The following KCNS3 variants were observed in gnomAD, a reference collection of about 807,000 sequenced individuals.
KCNS3 encodes potassium voltage-gated channel modifier subfamily S member 3.
In KCNS3, 13 loss-of-function variants were observed where a neutral mutation model predicts 31.0. The ratio of observed to expected loss-of-function variants is 0.42; its 90% CI spans 0.27 to 0.67. The LOEUF is 0.67. Ranked by LOEUF, KCNS3 falls within the 30% of genes least tolerant of loss-of-function variation. The probability of loss-of-function intolerance (pLI) is 0.25; values close to 1 mark genes in which losing one functional copy is unlikely to be tolerated. For synonymous variants in KCNS3, 238 were observed against 241.5 expected (o/e 0.99, Z 0.13); for missense variants, 545 against 622.4 (o/e 0.88, Z 1.32).
chr2:17,931,174 C>T lies in KCNS3; in HGVS notation c.166C>T (p.Leu56=), dbSNP rs183137090. 3.7e-5 allele frequency: 60 copies of T among 1,614,060 alleles called. No individual in the cohort carries two copies. Among genetic ancestry groups the T allele is most frequent in the Non-Finnish European group, 4.7e-5 (55 of 1,179,982 alleles). Residue 56 remains leucine, a synonymous_variant, in exon 3 of 3, where the codon CTG becomes TTG. Coordinates refer to ENST00000304101, the MANE Select transcript of KCNS3 (RefSeq NM_002252.5). The surrounding 1 kb of genome is among the most constrained non-coding windows in gnomAD (Gnocchi z 5.4). ...CCATTCTGAAGAGGCCATTCTGGAGCTGTGTGATGATTACAGTGTGGCCGA... is the reference window on the plus strand; with the variant it reads ...CCATTCTGAAGAGGCCATTCTGGAGTTGTGTGATGATTACAGTGTGGCCGA... The part of the protein sequence containing the change: ...TCHSEEAILE[L]CDDYSVADKE...
intron 1 of KCNS3, among the ~76,000 whole-genome samples, chr2:17,886,705 CAT>C: frequency 6.6e-6 from 1 of 151,284 alleles, no homozygotes; most frequent in Non-Finnish European, 1.5e-5. Context: ...TCCATCCATC[CAT>C]CCATCCATCC....
intron 2 of KCNS3, among the ~76,000 whole-genome samples, chr2:17,928,429 G>A (rs1262187583): frequency 6.6e-6 from 1 of 152,064 alleles, no homozygotes; most frequent in African/African-American, 2.4e-5. Flanking sequence ...ACCATGCCCA[G>A]CTAATTTTTG....
At chr2:17,898,653 T>G (rs1662088159) in intron 1 of KCNS3, among the ~76,000 whole-genome samples, 1 of 152,180 alleles carries the variant, frequency 6.6e-6, no homozygotes, top group Non-Finnish European at 1.5e-5. Context: ...GTTTAAAGAC[T>G]AATCTCCTAG....
chr2:17,931,209 C>T lies in KCNS3; in HGVS notation c.201C>T (p.Tyr67=). ...CDDYSVADKE[Y]YFDRNPSLFR... is the part of the protein sequence containing the mutation. Reference sequence around the variant, plus strand: ...ATTACAGTGTGGCCGATAAGGAGTACTACTTTGATCGGAATCCCTCCTTGT... The same window carrying T: ...ATTACAGTGTGGCCGATAAGGAGTATTACTTTGATCGGAATCCCTCCTTGT... The change falls in exon 3 of 3, where the codon TAC becomes TAT. Residue 67 remains tyrosine, a synonymous_variant. Transcript: ENST00000304101. The surrounding 1 kb of genome is among the most constrained non-coding windows in gnomAD (Gnocchi z 5.4). The T allele has an allele frequency of 6.2e-7, 1 of 1,614,142 alleles. No homozygotes were observed. Among genetic ancestry groups the T allele is most frequent in the Non-Finnish European group, 8.5e-7 (1 of 1,180,018 alleles).
rs1469573385 is a variant in KCNS3, at chr2:17,932,061, A to G, written c.1053A>G (p.Thr351=). ...ACTCCGTGGAGAAAGATGACCACACATCCAGCCTCACCAGCATCCCCATCT... is the reference window on the plus strand; with the variant it reads ...ACTCCGTGGAGAAAGATGACCACACGTCCAGCCTCACCAGCATCCCCATCT... ...LIYSVEKDDH[T]SSLTSIPICW... Residue 351 remains threonine (T), a synonymous_variant, in exon 3 of 3, where the codon ACA becomes ACG. Coordinates refer to ENST00000304101, the MANE Select transcript of KCNS3 (RefSeq NM_002252.5). 1 of 1,614,066 alleles carries G rather than the reference A, an allele frequency of 6.2e-7. No homozygotes were observed. The highest frequency in any genetic ancestry group is 2.2e-5 in the East Asian group (1 of 44,862).
At chr2:17,930,201 T>C (rs1045398795) in intron 2 of KCNS3, among the ~76,000 whole-genome samples, 1 of 151,764 alleles carries the variant, frequency 6.6e-6, no homozygotes, top group Non-Finnish European at 1.5e-5. Flanking sequence ...GTGGAGCGGG[T>C]TTGTGTCAGG....
chr2:17,889,692 T>C (rs1257188511), intron 1 of KCNS3, among the ~76,000 whole-genome samples: 1 of 152,156 alleles, frequency 6.6e-6, no homozygotes, highest in Non-Finnish European at 1.5e-5. Context: ...GATCATGTGA[T>C]TTTTGTTTTT....
chr2:17,890,880 G>A (rs1458714302), intron 1 of KCNS3, among the ~76,000 whole-genome samples: 1 of 152,116 alleles, frequency 6.6e-6, no homozygotes, highest in Non-Finnish European at 1.5e-5. Context: ...TCCATGCATT[G>A]AATAGAACGT....
Position 17,910,160 on chromosome 2 carries a change from T to C in KCNS3, c.-251-7520T>C, listed in dbSNP as rs186645218. 3.9e-5 allele frequency among the ~76,000 whole-genome samples: 6 copies of C among 152,334 alleles called. No individual in the cohort carries two copies. The East Asian group carries it at 1.2e-3, about 29-fold the overall frequency. On this transcript the variant is annotated intron_variant, in intron 1 of 2. Transcript: ENST00000304101. ...AGCAATTTATGAGTTAGCAATATAT[T>C]TGCTTATTAATTCTTTAAATAAAAT...
intron 1 of KCNS3, among the ~76,000 whole-genome samples, chr2:17,901,114 A>C (rs1256212511): frequency 6.6e-6 from 1 of 152,176 alleles, no homozygotes; most frequent in Non-Finnish European, 1.5e-5. Flanking sequence ...GTTTACCCTA[A>C]AGGCCGAAAG....
At chr2:17,907,081 T>C (rs1662340233) in intron 1 of KCNS3, among the ~76,000 whole-genome samples, 1 of 152,202 alleles carries the variant, frequency 6.6e-6, no homozygotes, top group Admixed American at 6.5e-5. Context: ...CCATTATTAG[T>C]GTGTGGGAGT....
Position 17,932,638 on chromosome 2 carries a change from A to C in KCNS3, c.*154A>C, listed in dbSNP as rs928872159. On this transcript the variant is annotated 3_prime_UTR_variant, in exon 3 of 3. Transcript: ENST00000304101. ...CATTGCTGAATTCTGAAATGATAGAATTGTCTTTATTTTTCTCTGTGAGGT... is the reference window on the plus strand; with the variant it reads ...CATTGCTGAATTCTGAAATGATAGACTTGTCTTTATTTTTCTCTGTGAGGT... The C allele has an allele frequency of 9.3e-6, 7 of 754,546 alleles. No homozygotes were observed. The highest frequency in any genetic ancestry group is 1.5e-5 in the Non-Finnish European group (7 of 479,086). The allele number at this position is 754,546 out of a possible 1,614,324, so 46.7% of individuals were successfully genotyped here. A position where few individuals can be genotyped will look rare whatever the true frequency, so the allele number is the denominator to read the frequency against.
intron 2 of KCNS3, among the ~76,000 whole-genome samples, chr2:17,921,976 T>TACATA (rs1662727753): frequency 7.0e-6 from 1 of 142,406 alleles, no homozygotes. Context: ...TATACATATA[T>TACATA]TAAGCATTTG....
chr2:17,888,808 C>T lies in KCNS3; in HGVS notation c.-252+10002C>T, dbSNP rs189673697. 7.0e-4 allele frequency among the ~76,000 whole-genome samples: 106 copies of T among 151,278 alleles called. 2 individuals carry two copies. In the East Asian group the frequency reaches 0.014, roughly 19 times the overall value. On this transcript the variant is annotated intron_variant, in intron 1 of 2. Coordinates refer to ENST00000304101, the MANE Select transcript of KCNS3 (RefSeq NM_002252.5). ...CCATGTGCCTGTTTTTATACCGGTA[C>T]CATGCTGTTTGGTGACTATGGCCTT...
At chr2:17,882,969 T>C (rs1211273979) in intron 1 of KCNS3, among the ~76,000 whole-genome samples, 1 of 152,214 alleles carries the variant, frequency 6.6e-6, no homozygotes, top group Non-Finnish European at 1.5e-5. Context: ...ATTTTTCTTG[T>C]GGGCAAGAGG....
chr2:17,893,344 C>T (rs115120666), intron 1 of KCNS3, among the ~76,000 whole-genome samples: 3,525 of 152,278 alleles, frequency 0.023, 67 homozygotes, highest in Middle Eastern at 0.075. Context: ...GGCCATCTGC[C>T]TCCCAGCTGA....
intron 2 of KCNS3, among the ~76,000 whole-genome samples, chr2:17,925,313 AGAAACAT>A (rs1662810455): frequency 6.6e-6 from 1 of 152,240 alleles, no homozygotes; most frequent in African/African-American, 2.4e-5. Flanking sequence ...AATTCTGATA[AGAAACAT>A]TTACTGTCTA....
At chr2:17,901,855 G>C (rs776133734) in intron 1 of KCNS3, among the ~76,000 whole-genome samples, 1 of 152,106 alleles carries the variant, frequency 6.6e-6, no homozygotes, top group South Asian at 2.1e-4. Flanking sequence ...GACAAACTAG[G>C]TGATCTGGCC....
chr2:17,911,220 A>T (rs73918980), intron 1 of KCNS3, among the ~76,000 whole-genome samples: 302 of 152,100 alleles, frequency 2.0e-3, no homozygotes, highest in African/African-American at 6.8e-3. Context: ...TTATTTACCC[A>T]TTTACCCTCC....
Sources: allele counts gnomAD v4.1 joint callset (sites outside exome capture counted in the v4.1 genomes callset), GRCh38; gene constraint gnomAD v4.1.1; non-coding constraint Gnocchi (gnomAD v3.1); transcripts MANE v1.5; gene names NCBI Gene and HGNC (gene_info 2026-07-23, HGNC 2026-07-21).